OPCML: variants seen among roughly 807,000 people sequenced by gnomAD.
OPCML encodes the protein opioid binding protein/cell adhesion molecule like, also known as opioid-binding protein/cell adhesion molecule.
A neutral mutation model predicts 37.8 loss-of-function variants in OPCML; 13 were observed. The ratio of observed to expected loss-of-function variants is 0.34; its 90% CI spans 0.22 to 0.55. OPCML has a LOEUF of 0.55. Among genes scored for constraint, OPCML ranks in the 20% least tolerant of loss-of-function variants. The pLI, the probability that OPCML is intolerant of heterozygous loss-of-function variation, is 0.91. For missense variants in OPCML, 341 were observed against 435.6 expected, an observed-to-expected ratio of 0.78 and a Z score of 1.93; for synonymous variants, 176 against 168.8, an observed-to-expected ratio of 1.04 and a Z score of -0.33.
chr11:132,723,541 C>G (rs943988667), intron 2 of OPCML, among the ~76,000 whole-genome samples: 1 of 148,552 alleles, frequency 6.7e-6, no homozygotes, highest in African/African-American at 2.5e-5. Flanking sequence ...GGTAAACATT[C>G]GGTAATTTTA....
chr11:133,204,884 A>ATG (rs1555114209), intron 1 of OPCML, among the ~76,000 whole-genome samples: 4 of 36,268 alleles, frequency 1.1e-4, no homozygotes, highest in Admixed American at 4.8e-4. Context: ...ATATATATAT[A>ATG]TATATATATA....
At chr11:133,013,493 G>T (rs1947261061) in intron 1 of OPCML, among the ~76,000 whole-genome samples, 1 of 152,158 alleles carries the variant, frequency 6.6e-6, no homozygotes, top group Non-Finnish European at 1.5e-5. Flanking sequence ...GGATGATAAA[G>T]ATAATTACTC....
chr11:133,100,830 C>T (rs547325191), intron 1 of OPCML, among the ~76,000 whole-genome samples: 20 of 152,258 alleles, frequency 1.3e-4, no homozygotes, highest in African/African-American at 4.8e-4. Context: ...AGATCATAGG[C>T]CCAGATGTAA....
intron 3 of OPCML, among the ~76,000 whole-genome samples, chr11:132,644,567 G>A (rs1337509034): frequency 6.6e-6 from 1 of 152,148 alleles, no homozygotes; most frequent in Non-Finnish European, 1.5e-5. Context: ...ATCTTCTAAA[G>A]CTGTTTATGA....
intron 1 of OPCML, chr11:133,008,836 A>C (rs536272188): frequency 1.0e-6 from 1 of 957,114 alleles, no homozygotes; most frequent in Non-Finnish European, 1.2e-6. Context: ...TTTCTGAACA[A>C]AAGTCTCCAT....
At chr11:133,267,474 A>T (rs1941695963) in intron 1 of OPCML, among the ~76,000 whole-genome samples, 1 of 152,206 alleles carries the variant, frequency 6.6e-6, no homozygotes, top group Admixed American at 6.5e-5. Context: ...TGAGGTATGT[A>T]TATAAAGTTC....
At chr11:132,941,441 T>A (rs560396525) in intron 2 of OPCML, among the ~76,000 whole-genome samples, 53 of 152,292 alleles carry the variant, frequency 3.5e-4, no homozygotes, top group African/African-American at 1.2e-3. Flanking sequence ...TGAACACTGG[T>A]AATATTTACT....
intron 4 of OPCML, among the ~76,000 whole-genome samples, chr11:132,499,805 G>A (rs773250401): frequency 5.9e-5 from 9 of 152,172 alleles, no homozygotes; most frequent in Non-Finnish European, 1.2e-4. Context: ...GCTCATGTCC[G>A]TGACTATGTT....
chr11:132,466,370 G>C (rs1453158318), intron 4 of OPCML, among the ~76,000 whole-genome samples: 1 of 150,730 alleles, frequency 6.6e-6, no homozygotes, highest in Non-Finnish European at 1.5e-5. Context: ...TGTAGTCCCA[G>C]CTACTCAGGA....
intron 4 of OPCML, among the ~76,000 whole-genome samples, chr11:132,516,617 T>G (rs1283045990): frequency 6.6e-6 from 1 of 152,124 alleles, no homozygotes; most frequent in Non-Finnish European, 1.5e-5. Flanking sequence ...GTGGAGCATA[T>G]CATCCCAAGG....
At chr11:132,479,773 C>T (rs886223064) in intron 4 of OPCML, among the ~76,000 whole-genome samples, 5 of 152,174 alleles carry the variant, frequency 3.3e-5, no homozygotes, top group African/African-American at 1.2e-4. Context: ...AGACTGACAC[C>T]TCACAGGGCC....
At chr11:133,361,310 G>A (rs28447338) in intron 1 of OPCML, 11,587 of 152,374 alleles carry the variant, frequency 0.076, 503 homozygotes, top group Admixed American at 0.14. Flanking sequence ...AATGCTCGCT[G>A]GCTGCCTGGA....
intron 3 of OPCML, among the ~76,000 whole-genome samples, chr11:132,622,532 G>A (rs1387537694): frequency 6.6e-6 from 1 of 152,186 alleles, no homozygotes; most frequent in Non-Finnish European, 1.5e-5. Context: ...GGAAATTGAC[G>A]TTTTCACGCC....
intron 1 of OPCML, among the ~76,000 whole-genome samples, chr11:133,332,780 C>G (rs1425218693): frequency 6.6e-6 from 1 of 152,016 alleles, no homozygotes; most frequent in African/African-American, 2.4e-5. Context: ...TATGTTGAAC[C>G]AACCTTGCCT....
At chr11:132,663,940 C>A (rs1437870243) in intron 2 of OPCML, among the ~76,000 whole-genome samples, 1 of 152,160 alleles carries the variant, frequency 6.6e-6, no homozygotes, top group Admixed American at 6.5e-5. Flanking sequence ...TCACGCCATT[C>A]TCCCGCCTCA....
In OPCML at chr11:132,943,098, A is replaced by G. The variant is rs1017346500; in HGVS notation, c.62-88T>C. 1 of 1,613,792 alleles carries G rather than the reference A, an allele frequency of 6.2e-7. No homozygotes were observed. Among genetic ancestry groups the G allele is most frequent in the African/African-American group, 1.3e-5 (1 of 74,900 alleles). On this transcript the variant is annotated intron_variant, in intron 1 of 7. Coordinates refer to ENST00000524381, the MANE Select transcript of OPCML (RefSeq NM_001012393.5). The surrounding 1 kb of genome is among the most constrained non-coding windows in gnomAD (Gnocchi z 4.3). ...AGGTACCCACAGACCCCCATTCTCG[A>G]CAGCCACAACTTCCCAGGACTCCGG...
chr11:133,073,178 T>G (rs1031236462), intron 1 of OPCML, among the ~76,000 whole-genome samples: 1 of 152,320 alleles, frequency 6.6e-6, no homozygotes, highest in Admixed American at 6.5e-5. Flanking sequence ...TCATGGGTTC[T>G]TAACGATCTC....
chr11:133,388,831 T>A (rs1184609823), intron 1 of OPCML, among the ~76,000 whole-genome samples: 3 of 152,234 alleles, frequency 2.0e-5, no homozygotes. Flanking sequence ...TGACTTTGGA[T>A]ACTTGAAAAA....
intron 2 of OPCML, among the ~76,000 whole-genome samples, chr11:132,835,801 C>T (rs1335221014): frequency 6.6e-6 from 1 of 152,132 alleles, no homozygotes; most frequent in African/African-American, 2.4e-5. Context: ...CTCTTTGTCA[C>T]CTCTCTTTGA....
Sources: gnomAD v4.1 joint callset for allele counts (sites outside exome capture counted in the v4.1 genomes callset) on GRCh38, gnomAD v4.1.1 for gene constraint, Gnocchi (gnomAD v3.1) non-coding constraint, MANE v1.5 for transcripts, NCBI Gene and HGNC (gene_info 2026-07-23, HGNC 2026-07-21) for gene names.